The following COL13A1 variants were observed in gnomAD, a reference collection of about 807,000 sequenced individuals.
COL13A1 encodes the protein collagen alpha-1(XIII) chain.
COL13A1 carries 89 observed loss-of-function variants against 130.9 expected under a neutral mutation model. That is an observed-to-expected ratio of 0.68 (90% CI 0.57 to 0.81). COL13A1 has a LOEUF of 0.81. Ranked by LOEUF, COL13A1 falls within the 30% of genes least tolerant of loss-of-function variation. The pLI is 0.00. For missense variants in COL13A1, 879 were observed against 934.6 expected (o/e 0.94, Z 0.78); for synonymous variants, 402 against 341.6 (o/e 1.18, Z -1.95).
At chr10:69,957,958 C>T (rs1397508961) in intron 40 of COL13A1, among the ~76,000 whole-genome samples, 1 of 152,184 alleles carries the variant, frequency 6.6e-6, no homozygotes, top group East Asian at 1.9e-4. Context: ...CAGAGTCACA[C>T]TTACAATGAG....
Position 69,921,892 on chromosome 10 carries a change from G to T in COL13A1, c.1100G>T (p.Gly367Val). ...TGCATCTCCCTGCAGGGTGAGAAGG[G>T]GGCTGAAGGCTCCCCTGGGCTTCCT... is the stretch of plus-strand genomic sequence containing the variant. ...LGKRGQRGEK[G>V]AEGSPGLPGL... The change falls in exon 22 of 41, where the codon GGG becomes GTG. Residue 367 changes from glycine (G) to valine (V), a missense_variant. Transcript: ENST00000645393. The T allele has an allele frequency of 1.2e-6, 2 of 1,606,964 alleles. No individual in the cohort carries two copies. Among genetic ancestry groups the T allele is most frequent in the African/African-American group, 1.3e-5 (1 of 74,914 alleles).
chr10:69,896,361 C>G (rs998707651), intron 13 of COL13A1, among the ~76,000 whole-genome samples: 5 of 152,312 alleles, frequency 3.3e-5, no homozygotes, highest in Admixed American at 3.3e-4. Flanking sequence ...ACAGCTTCCT[C>G]CAGTAGGAGC....
At chr10:69,949,147 C>G (rs1392683804) in intron 38 of COL13A1, among the ~76,000 whole-genome samples, 1 of 152,176 alleles carries the variant, frequency 6.6e-6, no homozygotes, top group African/African-American at 2.4e-5. Flanking sequence ...CCCAAATGTC[C>G]TGGAAGAGTC....
intron 10 of COL13A1, among the ~76,000 whole-genome samples, chr10:69,889,662 A>G (rs1174900591): frequency 6.6e-6 from 1 of 152,206 alleles, no homozygotes; most frequent in East Asian, 1.9e-4. Context: ...AGGATGGGAG[A>G]TCCAGAGAGA....
intron 2 of COL13A1, among the ~76,000 whole-genome samples, chr10:69,859,170 C>A (rs1225000451): frequency 6.6e-6 from 1 of 152,132 alleles, no homozygotes; most frequent in Admixed American, 6.5e-5. Context: ...AGGTGCTTGG[C>A]GCTGGTAAGA....
intron 3 of COL13A1, among the ~76,000 whole-genome samples, chr10:69,870,408 G>A (rs1337356381): frequency 6.6e-6 from 1 of 151,554 alleles, no homozygotes; most frequent in Non-Finnish European, 1.5e-5. Context: ...AATCTCATGG[G>A]CTCAAGTGGC....
At chr10:69,900,396 T>C (rs921998347) in intron 14 of COL13A1, among the ~76,000 whole-genome samples, 2 of 152,294 alleles carry the variant, frequency 1.3e-5, no homozygotes, top group Non-Finnish European at 2.9e-5. Flanking sequence ...CAGGATTCCA[T>C]CCAGGCCACT....
chr10:69,908,642 G>A (rs1012171914), intron 17 of COL13A1, among the ~76,000 whole-genome samples: 8 of 152,288 alleles, frequency 5.3e-5, no homozygotes, highest in African/African-American at 1.9e-4. Flanking sequence ...GGGTTAGGGT[G>A]TCCTGACGCT....
At chr10:69,927,592 G>A (rs923526346) in intron 27 of COL13A1, among the ~76,000 whole-genome samples, 3 of 152,162 alleles carry the variant, frequency 2.0e-5, no homozygotes, top group African/African-American at 7.2e-5. Context: ...TTGTACAGGT[G>A]CCTACCGGTG....
At chr10:69,875,735 T>A (rs1355596682) in intron 5 of COL13A1, among the ~76,000 whole-genome samples, 1 of 152,254 alleles carries the variant, frequency 6.6e-6, no homozygotes, top group Non-Finnish European at 1.5e-5. Context: ...GAACGTTTGA[T>A]GGAGAGGGTG....
chr10:69,810,993 G>A (rs1309039133), intron 1 of COL13A1, among the ~76,000 whole-genome samples: 1 of 152,346 alleles, frequency 6.6e-6, no homozygotes, highest in East Asian at 1.9e-4. Flanking sequence ...GGCCTTTGAG[G>A]GGACACTGGG....
chr10:69,933,135 C>CAA lies in COL13A1; in HGVS notation c.1728+562_1728+563dup, dbSNP rs34323794. On this transcript the variant is annotated intron_variant, in intron 31 of 40. Coordinates refer to ENST00000645393, the MANE Select transcript of COL13A1 (RefSeq NM_001368882.1). The stretch of plus-strand genomic sequence containing the variant: ...TGGGCAACAGAGTGAGACTCTGCCT[C>CAA]AAAAAAAAAAAAAAAAAAAAAAAAA... 2.0e-3 allele frequency among the ~76,000 whole-genome samples: 87 copies of CAA among 44,422 alleles called. 9 individuals carry two copies. The highest frequency in any genetic ancestry group is 4.2e-3 in the African/African-American group (54 of 12,904). 29.1% of individuals were successfully genotyped at this position (44,422 alleles called of 152,430 possible).
chr10:69,892,179 T>C (rs866617792), intron 10 of COL13A1, among the ~76,000 whole-genome samples: 2 of 152,196 alleles, frequency 1.3e-5, no homozygotes, highest in Non-Finnish European at 1.5e-5. Flanking sequence ...ATCTGATTCC[T>C]GTTTGGCTTG....
intron 35 of COL13A1, 80 bp from the exon 36 acceptor site, chr10:69,944,045 C>T (rs1223768640): frequency 2.5e-6 from 3 of 1,198,570 alleles, no homozygotes; most frequent in Middle Eastern, 1.9e-4. Context: ...GGACCTTGCT[C>T]ATCTCTAGGC....
chr10:69,890,219 G>A (rs1258721840), intron 10 of COL13A1, among the ~76,000 whole-genome samples: 1 of 152,158 alleles, frequency 6.6e-6, no homozygotes, highest in Non-Finnish European at 1.5e-5. Flanking sequence ...CTTCCAGAAG[G>A]GAATGAGGGG....
intron 17 of COL13A1, among the ~76,000 whole-genome samples, chr10:69,907,664 C>T (rs1171128558): frequency 6.6e-6 from 1 of 151,948 alleles, no homozygotes; most frequent in Non-Finnish European, 1.5e-5. Flanking sequence ...GATGACTAAC[C>T]CACCCCCACA....
chr10:69,901,819 C>T (rs766575285), intron 14 of COL13A1, among the ~76,000 whole-genome samples: 4 of 152,226 alleles, frequency 2.6e-5, no homozygotes, highest in Admixed American at 6.5e-5. Flanking sequence ...TCGCTACCTC[C>T]CTGGGCTCAC....
intron 38 of COL13A1, among the ~76,000 whole-genome samples, chr10:69,950,491 C>T (rs2069354213): frequency 1.3e-5 from 2 of 152,190 alleles, no homozygotes; most frequent in African/African-American, 2.4e-5. Context: ...ATCCCCCACT[C>T]TGGCAGATTT....
chr10:69,815,566 T>C (rs1252962770), intron 1 of COL13A1, among the ~76,000 whole-genome samples: 2 of 152,150 alleles, frequency 1.3e-5, no homozygotes, highest in Non-Finnish European at 2.9e-5. Flanking sequence ...GCCAGGCTGG[T>C]GGCCTAAGTA....
Sources: allele counts gnomAD v4.1 joint callset (sites outside exome capture counted in the v4.1 genomes callset), GRCh38; gene constraint gnomAD v4.1.1; transcripts MANE v1.5; gene names NCBI Gene and HGNC (gene_info 2026-07-23, HGNC 2026-07-21).